GLCCI1: variants seen among roughly 807,000 people sequenced by gnomAD.
The protein encoded by GLCCI1 is glucocorticoid-induced transcript 1 protein.
GLCCI1 carries 24 observed loss-of-function variants against 52.2 expected under a neutral mutation model. That is an observed-to-expected ratio of 0.46 (90% CI 0.33 to 0.65). GLCCI1 has a LOEUF of 0.65. Ranked by LOEUF, GLCCI1 falls within the 30% of genes least tolerant of loss-of-function variation. The pLI is 0.02. For synonymous variants in GLCCI1, 310 were observed against 276.5 expected (o/e 1.12, Z -1.20); for missense variants, 704 against 701.5 (o/e 1.00, Z -0.04).
chr7:8,029,385 A>G (rs1043404737), intron 3 of GLCCI1, among the ~76,000 whole-genome samples: 7 of 152,216 alleles, frequency 4.6e-5, no homozygotes, highest in African/African-American at 1.2e-4. Flanking sequence ...AACATTTGAT[A>G]AAGTTCAGCA....
At chr7:8,064,614 T>G (rs1782590176) in intron 5 of GLCCI1, among the ~76,000 whole-genome samples, 1 of 152,222 alleles carries the variant, frequency 6.6e-6, no homozygotes, top group Non-Finnish European at 1.5e-5. Flanking sequence ...AATTTTAAAA[T>G]AGATTTTTCT....
chr7:8,073,108 A>C (rs571368369), intron 6 of GLCCI1, among the ~76,000 whole-genome samples: 1 of 152,258 alleles, frequency 6.6e-6, no homozygotes, highest in Admixed American at 6.5e-5. Flanking sequence ...CTTTTGCAGG[A>C]GACATTGTAA....
intron 1 of GLCCI1, among the ~76,000 whole-genome samples, chr7:7,988,296 T>C (rs199579141): frequency 6.6e-6 from 1 of 152,224 alleles, no homozygotes; most frequent in African/African-American, 2.4e-5. Context: ...TTGTTTTGTT[T>C]TGTTTTGTTT....
intron 3 of GLCCI1, among the ~76,000 whole-genome samples, chr7:8,050,293 A>G (rs1782228835): frequency 1.3e-5 from 2 of 152,186 alleles, no homozygotes; most frequent in Non-Finnish European, 2.9e-5. Flanking sequence ...TTTGTTCATC[A>G]GGGTTTGCTT....
At chr7:7,997,917 ACT>A in intron 1 of GLCCI1, among the ~76,000 whole-genome samples, 1 of 144,776 alleles carries the variant, frequency 6.9e-6, no homozygotes, top group South Asian at 2.3e-4. Flanking sequence ...ACAGAGTGAG[ACT>A]CTGTCTCAAA....
At chr7:7,982,503 A>T (rs1439085653) in intron 1 of GLCCI1, among the ~76,000 whole-genome samples, 1 of 152,216 alleles carries the variant, frequency 6.6e-6, no homozygotes, top group Non-Finnish European at 1.5e-5. Flanking sequence ...TTTAAAATGA[A>T]GTATTTATGC....
At chr7:8,052,445 AAGTTT>A (rs1782279451) in intron 3 of GLCCI1, among the ~76,000 whole-genome samples, 1 of 152,206 alleles carries the variant, frequency 6.6e-6, no homozygotes, top group Non-Finnish European at 1.5e-5. Flanking sequence ...TATGGCTTAA[AAGTTT>A]AGTTATCAGT....
intron 3 of GLCCI1, among the ~76,000 whole-genome samples, chr7:8,025,570 A>G (rs1178222965): frequency 2.0e-5 from 3 of 152,200 alleles, no homozygotes; most frequent in Non-Finnish European, 4.4e-5. Flanking sequence ...AAAAAGCCTC[A>G]TAGGAGAAAA....
chr7:7,980,529 A>G, intron 1 of GLCCI1: 1 of 472,426 alleles, frequency 2.1e-6, no homozygotes, highest in Non-Finnish European at 3.8e-6. Context: ...ACAGTATACA[A>G]AGGTATTTTA....
chr7:7,976,479 C>CAAAAAAAAAAAAAAAAAAAAAAAAA (rs35255634), intron 1 of GLCCI1, among the ~76,000 whole-genome samples: 1 of 24,682 alleles, frequency 4.1e-5, no homozygotes, highest in African/African-American at 2.0e-4. Flanking sequence ...AACTCCATCT[C>CAAAAAAAAAAAAAAAAAAAAAAAAA]AAAAAAAAAA....
At chr7:8,040,555 C>CACACACACACAG (rs1442863077) in intron 3 of GLCCI1, among the ~76,000 whole-genome samples, 1 of 151,482 alleles carries the variant, frequency 6.6e-6, no homozygotes, top group African/African-American at 2.4e-5. Context: ...CACACACACA[C>CACACACACACAG]ACACACCAAT....
chr7:8,063,274 A>T (rs1013497071), intron 5 of GLCCI1, among the ~76,000 whole-genome samples: 1 of 151,830 alleles, frequency 6.6e-6, no homozygotes, highest in Non-Finnish European at 1.5e-5. Flanking sequence ...AATGGCTGGG[A>T]CTTCAGGTGC....
At chr7:7,993,454 A>G (rs1049955906) in intron 1 of GLCCI1, among the ~76,000 whole-genome samples, 2 of 152,218 alleles carry the variant, frequency 1.3e-5, no homozygotes, top group Non-Finnish European at 2.9e-5. Context: ...AGATTTGAGC[A>G]TAGCCATATT....
chr7:8,081,905 A>G (rs1192926706), intron 6 of GLCCI1, among the ~76,000 whole-genome samples: 1 of 152,220 alleles, frequency 6.6e-6, no homozygotes. Flanking sequence ...AGATGTGAAT[A>G]ACTATATTCA....
intron 3 of GLCCI1, among the ~76,000 whole-genome samples, chr7:8,023,896 G>A (rs1485932997): frequency 6.6e-6 from 1 of 151,928 alleles, no homozygotes; most frequent in African/African-American, 2.4e-5. Flanking sequence ...ACCACACCAG[G>A]CCATGATCAT....
chr7:8,042,933 T>A (rs1782035259), intron 3 of GLCCI1, among the ~76,000 whole-genome samples: 1 of 152,208 alleles, frequency 6.6e-6, no homozygotes, highest in African/African-American at 2.4e-5. Context: ...AAATCTGGTA[T>A]GAAAGGAAAA....
chr7:8,002,424 A>G (rs1308601885), intron 1 of GLCCI1, among the ~76,000 whole-genome samples: 3 of 152,218 alleles, frequency 2.0e-5, no homozygotes, highest in Non-Finnish European at 4.4e-5. Context: ...AATGGGTTCC[A>G]TTAGATTCTC....
chr7:7,972,597 C>A (rs77424826), intron 1 of GLCCI1, among the ~76,000 whole-genome samples: 5,156 of 152,062 alleles, frequency 0.034, 288 homozygotes, highest in African/African-American at 0.12. Context: ...ATTATGAAAC[C>A]ACTCAATTTC....
intron 3 of GLCCI1, among the ~76,000 whole-genome samples, chr7:8,025,484 G>A (rs963655450): frequency 1.3e-5 from 2 of 151,990 alleles, no homozygotes; most frequent in African/African-American, 2.4e-5. Flanking sequence ...GATGGCAGAA[G>A]AATCAATGAA....
Sources: allele counts gnomAD v4.1 joint callset (sites outside exome capture counted in the v4.1 genomes callset), GRCh38; gene constraint gnomAD v4.1.1; transcripts MANE v1.5; gene names NCBI Gene and HGNC (gene_info 2026-07-23, HGNC 2026-07-21).